NOS1: variants seen among roughly 807,000 people sequenced by gnomAD.
NOS1 encodes the protein nitric oxide synthase 1.
NOS1 carries 51 observed loss-of-function variants against 164.5 expected under a neutral mutation model. That is an observed-to-expected ratio of 0.31 (90% CI 0.25 to 0.39). The LOEUF (loss-of-function observed/expected upper bound fraction) is 0.39. Ranked by LOEUF, NOS1 falls within the 10% of genes least tolerant of loss-of-function variation. The pLI is 1.00. For synonymous variants in NOS1, 719 were observed against 745.8 expected (o/e 0.96, Z 0.59); for missense variants, 1,362 against 1,885.6 (o/e 0.72, Z 5.14).
chr12:117,257,638 GT>G (rs1189053668), intron 16 of NOS1, among the ~76,000 whole-genome samples: 1 of 129,964 alleles, frequency 7.7e-6, no homozygotes, highest in African/African-American at 3.1e-5. Flanking sequence ...TTTTTGACAG[GT>G]CTGGCTGTTC....
intron 2 of NOS1, among the ~76,000 whole-genome samples, chr12:117,314,895 C>T (rs1308781978): frequency 6.6e-6 from 1 of 152,180 alleles, no homozygotes; most frequent in Admixed American, 6.5e-5. Flanking sequence ...GAGATCCTTC[C>T]TTTTTTAAAA....
At chr12:117,322,166 TTC>T (rs1426754082) in intron 2 of NOS1, among the ~76,000 whole-genome samples, 8 of 106,346 alleles carry the variant, frequency 7.5e-5, no homozygotes, top group Non-Finnish European at 9.6e-5. Context: ...CCCTCCTTCC[TTC>T]TTTTTCCTTC....
intron 1 of NOS1, among the ~76,000 whole-genome samples, chr12:117,337,106 C>CTTTT (rs36054002): frequency 6.2e-5 from 4 of 64,328 alleles, no homozygotes; most frequent in Admixed American, 1.8e-4. Flanking sequence ...GCTTTTTACT[C>CTTTT]TTTTTTTTTT....
chr12:117,349,923 C>G (rs1306742801), intron 1 of NOS1, among the ~76,000 whole-genome samples: 3 of 151,976 alleles, frequency 2.0e-5, no homozygotes, highest in Admixed American at 2.0e-4. Context: ...TGGGGTCTTG[C>G]TACATTGCTT....
chr12:117,261,091 C>A (rs1355081788), intron 13 of NOS1, among the ~76,000 whole-genome samples: 1 of 150,040 alleles, frequency 6.7e-6, no homozygotes, highest in Admixed American at 6.7e-5. Flanking sequence ...ATTGCTTGAA[C>A]CCAGGAGGTG....
In NOS1 at chr12:117,219,022, A is replaced by C. The variant is rs1262643850; in HGVS notation, c.4171-858T>G. Among the ~76,000 whole-genome samples, 4 of 144,396 alleles carry C rather than the reference A, an allele frequency of 2.8e-5. No homozygotes were observed. The East Asian group carries it at 6.2e-4, about 22-fold the overall frequency. The allele number at this position is 144,396 out of a possible 152,430, so 94.7% of individuals were successfully genotyped here. A position where few individuals can be genotyped will look rare whatever the true frequency, so the allele number is the denominator to read the frequency against. ...GAGACAGAGTCTCGCTCTGTCACCC[A>C]GGCTGGAGTGCAGTGGCGTGATCTC... On this transcript the variant is annotated intron_variant, in intron 27 of 28. Coordinates refer to ENST00000317775, the MANE Select transcript of NOS1 (RefSeq NM_000620.5).
rs376848682 is a variant in NOS1, at chr12:117,330,772, G to A, written c.298C>T (p.Pro100Ser). 1 of 1,613,880 alleles carries A rather than the reference G, an allele frequency of 6.2e-7. No individual in the cohort carries two copies. Among genetic ancestry groups the A allele is most frequent in the Non-Finnish European group, 8.5e-7 (1 of 1,179,990 alleles). Residue 100 changes from proline (P) to serine (S), a missense_variant, in exon 2 of 29, where the codon CCT (proline) becomes TCT (serine). By Grantham distance (74) the Pro-to-Ser change is moderately conservative. Around this residue, in one of 4 missense-constraint regions of NOS1, gnomAD observed 362 missense variants for 402.0 expected, o/e 0.90. Coordinates refer to ENST00000317775, the MANE Select transcript of NOS1 (RefSeq NM_000620.5). The surrounding 1 kb of genome is among the most constrained non-coding windows in gnomAD (Gnocchi z 4.6). ...TCCAGGTGCGTGGTGAAACCTTCAG[G>A]GCCCCTCAGAATGAGGACCACGTGG... is the stretch of plus-strand genomic sequence containing the variant. ...ETHVVLILRG[P>S]EGFTTHLETT... is the part of the protein sequence containing the mutation.
intron 3 of NOS1, among the ~76,000 whole-genome samples, chr12:117,306,591 A>G (rs1398076372): frequency 3.9e-5 from 6 of 151,908 alleles, no homozygotes; most frequent in Non-Finnish European, 8.8e-5. Context: ...CCTCAGCAAG[A>G]AAAAAAAGCA....
intron 14 of NOS1, among the ~76,000 whole-genome samples, chr12:117,260,062 T>C (rs1871766540): frequency 6.8e-6 from 1 of 146,282 alleles, no homozygotes; most frequent in Non-Finnish European, 1.5e-5. Context: ...GAGCTTGCAG[T>C]GAGCCGAGAT....
In NOS1 at chr12:117,210,801, C is replaced by T. The variant is rs967531252; in HGVS notation, c.*4508G>A. On this transcript the variant is annotated 3_prime_UTR_variant, in exon 29 of 29. Transcript: ENST00000317775. Reference sequence around the variant, plus strand: ...ACTGGCTGGGGGTCAGTTTTCCCTCCGGGCATCTGGGCATGGCTGGACTTG... The same window carrying T: ...ACTGGCTGGGGGTCAGTTTTCCCTCTGGGCATCTGGGCATGGCTGGACTTG... 1.0e-5 allele frequency: 10 copies of T among 985,214 alleles called. No homozygotes were observed. The highest frequency in any genetic ancestry group is 1.2e-4 in the Admixed American group (2 of 16,242). The allele number at this position is 985,214 out of a possible 1,614,324, so 61.0% of individuals were successfully genotyped here.
chr12:117,237,306 A>G (rs1869791384), intron 20 of NOS1, among the ~76,000 whole-genome samples: 1 of 151,810 alleles, frequency 6.6e-6, no homozygotes, highest in Non-Finnish European at 1.5e-5. Flanking sequence ...TAGTTTTTGT[A>G]CTTTTAGCAG....
At chr12:117,238,115 C>T (rs1869874565) in intron 20 of NOS1, among the ~76,000 whole-genome samples, 1 of 152,110 alleles carries the variant, frequency 6.6e-6, no homozygotes, top group South Asian at 2.1e-4. Flanking sequence ...TGGTAGTGGC[C>T]AGATCACAAG....
rs537123093 is a variant in NOS1, at chr12:117,208,468, G to A, written c.*6841C>T. On this transcript the variant is annotated 3_prime_UTR_variant, in exon 29 of 29. Coordinates refer to ENST00000317775, the MANE Select transcript of NOS1 (RefSeq NM_000620.5). ...CCCACCTCCCCAGCTTCCCAAGCCCGGAACGGACACTGCGACGTGGGGTGC... is the reference window on the plus strand; with the variant it reads ...CCCACCTCCCCAGCTTCCCAAGCCCAGAACGGACACTGCGACGTGGGGTGC... 224 of 1,271,306 alleles carry A rather than the reference G, an allele frequency of 1.8e-4. No individual in the cohort carries two copies. Among genetic ancestry groups the A allele is most frequent in the Middle Eastern group, 1.7e-3 (5 of 2,998 alleles). 78.8% of individuals were successfully genotyped at this position (1,271,306 alleles called of 1,614,324 possible).
intron 24 of NOS1, among the ~76,000 whole-genome samples, chr12:117,226,020 G>A (rs1165791888): frequency 6.6e-6 from 1 of 152,212 alleles, no homozygotes; most frequent in Non-Finnish European, 1.5e-5. Flanking sequence ...TGTTCAAGGT[G>A]CAGATTCCTG....
At chr12:117,353,541 T>C (rs1424341789) in intron 1 of NOS1, among the ~76,000 whole-genome samples, 1 of 152,212 alleles carries the variant, frequency 6.6e-6, no homozygotes, top group Non-Finnish European at 1.5e-5. Context: ...TCAGTTAAGG[T>C]TGTTTTCTAA....
intron 28 of NOS1, among the ~76,000 whole-genome samples, chr12:117,215,954 T>A (rs531036255): frequency 6.8e-6 from 1 of 147,172 alleles, no homozygotes; most frequent in Admixed American, 7.0e-5. Context: ...CTCGGCTGGC[T>A]GCAACCTCTG....
chr12:117,217,208 AT>A (rs1034493966), intron 28 of NOS1, among the ~76,000 whole-genome samples: 3 of 152,188 alleles, frequency 2.0e-5, no homozygotes, highest in African/African-American at 7.2e-5. Flanking sequence ...GCCCCCAGCC[AT>A]TTAGGGGATG....
chr12:117,222,236 G>C (rs947117433), intron 26 of NOS1, among the ~76,000 whole-genome samples: 22 of 152,182 alleles, frequency 1.4e-4, no homozygotes, highest in African/African-American at 4.1e-4. Flanking sequence ...TTATAATATA[G>C]GCTGTTAAAT....
chr12:117,302,749 T>A (rs3782204), intron 3 of NOS1, among the ~76,000 whole-genome samples: 92,819 of 151,628 alleles, frequency 0.61, 30,165 homozygotes, highest in African/African-American at 0.83. Flanking sequence ...CTTTTTAAAA[T>A]TTTTTTATTT....
Sources: gnomAD v4.1 joint callset for allele counts (sites outside exome capture counted in the v4.1 genomes callset) on GRCh38, gnomAD v4.1.1 for gene constraint, gnomAD v4.1.1 regional missense constraint, Gnocchi (gnomAD v3.1) non-coding constraint, MANE v1.5 for transcripts, NCBI Gene and HGNC (gene_info 2026-07-23, HGNC 2026-07-21) for gene names.